Variants in SNRNP70 observed in about 807,000 individuals in gnomAD.
SNRNP70 encodes the protein U1 small nuclear ribonucleoprotein 70 kDa.
In SNRNP70, 8 loss-of-function variants were observed where a neutral mutation model predicts 50.5. The ratio of observed to expected loss-of-function variants is 0.16; its 90% CI spans 0.09 to 0.29. The LOEUF (loss-of-function observed/expected upper bound fraction) is 0.29. SNRNP70 is among the 10% of genes least tolerant of loss of function. The probability of loss-of-function intolerance (pLI) is 1.00; values close to 1 mark genes in which losing one functional copy is unlikely to be tolerated. For missense variants in SNRNP70, 529 were observed against 663.5 expected (o/e 0.80, Z 2.23); for synonymous variants, 320 against 252.9 (o/e 1.27, Z -2.52).
intron 2 of SNRNP70, among the ~76,000 whole-genome samples, chr19:49,088,049 G>A (rs377060954): frequency 3.8e-4 from 57 of 151,928 alleles, no homozygotes; most frequent in African/African-American, 1.2e-3. Context: ...GCACCACCAC[G>A]CCTGGCTAAT....
At chr19:49,088,222 ACT>A (rs2040406256) in intron 2 of SNRNP70, among the ~76,000 whole-genome samples, 1 of 41,420 alleles carries the variant, frequency 2.4e-5, no homozygotes, top group Non-Finnish European at 5.0e-5. Flanking sequence ...TTTTTTTTTG[ACT>A]TGGAGTCTCG....
intron 7 of SNRNP70, 54 bp downstream of exon 7, chr19:49,101,525 C>T (rs1490520795): frequency 1.3e-5 from 17 of 1,284,840 alleles, no homozygotes; most frequent in Non-Finnish European, 1.9e-5. Context: ...TTCTCTGCTG[C>T]CCCAGCCCCT....
intron 8 of SNRNP70, among the ~76,000 whole-genome samples, chr19:49,105,932 T>C (rs530806419): frequency 6.6e-6 from 1 of 152,224 alleles, no homozygotes; most frequent in Non-Finnish European, 1.5e-5. Flanking sequence ...CACATTTGAT[T>C]GACTCAGTGT....
At chr19:49,095,975 CAAAAA>C (rs11356728) in intron 4 of SNRNP70, among the ~76,000 whole-genome samples, 1 of 91,930 alleles carries the variant, frequency 1.1e-5, no homozygotes, top group Non-Finnish European at 2.2e-5. Context: ...TTAGCTGGTG[CAAAAA>C]AAAAAAAAAA....
Position 49,101,381 on chromosome 19 carries a change from G to T in SNRNP70, c.394-9G>T. The T allele has an allele frequency of 6.2e-7, 1 of 1,612,110 alleles. No homozygotes were observed. On this transcript the variant is annotated splice_polypyrimidine_tract_variant and intron_variant, in intron 6 of 9. Transcript: ENST00000598441. The stretch of plus-strand genomic sequence containing the variant: ...GCAGGACTCACCCCTGTCCCCATGT[G>T]CCCCACAGATACACATGGTCTACAG...
intron 4 of SNRNP70, chr19:49,090,781 C>A: frequency 1.8e-6 from 1 of 544,362 alleles, no homozygotes; most frequent in East Asian, 3.1e-5. Flanking sequence ...AGTTAAGGGG[C>A]TCCCACAACC....
At chr19:49,097,466 C>T (rs371637040) in intron 4 of SNRNP70, among the ~76,000 whole-genome samples, 2 of 152,138 alleles carry the variant, frequency 1.3e-5, no homozygotes, top group Admixed American at 1.3e-4. Context: ...TCCTACTGCT[C>T]GGGTCATCAC....
intron 1 of SNRNP70, 117 bp from the exon 2 acceptor site, chr19:49,086,288 C>T (rs1244654500): frequency 1.7e-6 from 2 of 1,182,258 alleles, no homozygotes; most frequent in South Asian, 1.5e-5. Context: ...CCTTACAGAG[C>T]CTGTTTTAAT....
At position 49,108,308 on chromosome 19, in the gene SNRNP70, A is replaced by C. The variant is rs1307970996; in HGVS notation, c.1179A>C (p.Arg393=). 6.9e-6 allele frequency: 11 copies of C among 1,586,094 alleles called. No homozygotes were observed. In the East Asian group the frequency reaches 2.3e-4, roughly 33 times the overall value. The stretch of plus-strand genomic sequence containing the variant: ...GTGAGCGGGGCAGGGATGAGGCCCG[A>C]GGTGGGGGCGGTGGCCAGGACAACG... The part of the protein sequence containing the change: ...RGSERGRDEA[R]GGGGGQDNGL... Residue 393 remains arginine, a synonymous_variant, in exon 10 of 10, where the codon CGA becomes CGC. Transcript: ENST00000598441.
chr19:49,100,241 C>A (rs1041847630), intron 6 of SNRNP70, among the ~76,000 whole-genome samples: 1 of 152,236 alleles, frequency 6.6e-6, no homozygotes, highest in Non-Finnish European at 1.5e-5. Flanking sequence ...TTCTCCCTGA[C>A]ATGGTCCCCA....
At chr19:49,097,468 G>C (rs1266634774) in intron 4 of SNRNP70, among the ~76,000 whole-genome samples, 1 of 152,112 alleles carries the variant, frequency 6.6e-6, no homozygotes, top group Non-Finnish European at 1.5e-5. Flanking sequence ...CTACTGCTCG[G>C]GTCATCACCA....
rs2040432264 is a variant in SNRNP70 at position 49,090,342 on chromosome 19, A to G, written c.199A>G (p.Met67Val). 1.2e-6 allele frequency: 2 copies of G among 1,613,954 alleles called. No homozygotes were observed. The highest frequency in any genetic ancestry group is 1.7e-6 in the Non-Finnish European group (2 of 1,179,972). ...TCGTGCTGAAACCCGAGAGGAGCGCATGGAGAGGAAAGTATGTCATTTTTG... is the reference window on the plus strand; with the variant it reads ...TCGTGCTGAAACCCGAGAGGAGCGCGTGGAGAGGAAAGTATGTCATTTTTG... Reference protein sequence around the residue: ...PTRAETREERMERKRREKIER... With the variant: ...PTRAETREERVERKRREKIER... Residue 67 changes from methionine (M) to valine (V), a missense_variant, in exon 3 of 10, where the codon ATG becomes GTG. Met to Val is a conservative substitution (Grantham distance 21). Around this residue, in one of 4 missense-constraint regions of SNRNP70, gnomAD observed 149 missense variants for 259.7 expected, o/e 0.57. Coordinates refer to ENST00000598441, the MANE Select transcript of SNRNP70 (RefSeq NM_003089.6).
Position 49,088,006 on chromosome 19 carries a change from C to T in SNRNP70, c.147+1445C>T, listed in dbSNP as rs2040403000. Among the ~76,000 whole-genome samples, 4 of 151,338 alleles carry T rather than the reference C, an allele frequency of 2.6e-5. No homozygotes were observed. In the South Asian group the frequency reaches 8.3e-4, roughly 32 times the overall value. On this transcript the variant is annotated intron_variant, in intron 2 of 9. Coordinates refer to ENST00000598441, the MANE Select transcript of SNRNP70 (RefSeq NM_003089.6). ...CCTCCGGTTCAAGCAGTTCTCCTGC[C>T]TCAGCCTCTCAAGTAGCTGGGATTA...
chr19:49,088,348 G>C (rs1468280346), intron 2 of SNRNP70, among the ~76,000 whole-genome samples: 1 of 130,372 alleles, frequency 7.7e-6, no homozygotes. Context: ...GACTACAGGT[G>C]CCCGCCACCA....
intron 4 of SNRNP70, among the ~76,000 whole-genome samples, chr19:49,097,365 C>T (rs553905682): frequency 9.2e-5 from 14 of 151,992 alleles, no homozygotes; most frequent in African/African-American, 3.4e-4. Context: ...TATCAGTGTC[C>T]AGCACTGTGT....
Position 49,092,098 on chromosome 19 carries a change from TTTTG to T in SNRNP70, c.265+1602_265+1605del, listed in dbSNP as rs146031499. On this transcript the variant is annotated intron_variant, in intron 4 of 9. Transcript: ENST00000598441. ...AGTCTTAACTAGTTTACCTATGTCT[TTTTG>T]TTTGTTTGTTTGTTTGTTTGTTTTT... is the stretch of plus-strand genomic sequence containing the variant. Among the ~76,000 whole-genome samples the T allele has an allele frequency of 7.8e-3, 1,189 of 151,852 alleles. 9 individuals are homozygous for T. The highest frequency in any genetic ancestry group is 0.026 in the African/African-American group (1,074 of 41,380).
chr19:49,088,281 C>T (rs1286147338), intron 2 of SNRNP70, among the ~76,000 whole-genome samples: 1 of 143,778 alleles, frequency 7.0e-6, no homozygotes, highest in East Asian at 2.1e-4. Context: ...CGGCTCACTG[C>T]AAGCTCCGCC....
intron 8 of SNRNP70, among the ~76,000 whole-genome samples, chr19:49,106,102 T>G (rs897366568): frequency 6.6e-6 from 1 of 152,198 alleles, no homozygotes; most frequent in African/African-American, 2.4e-5. Context: ...GTCCTGGCTC[T>G]GGACTCGCCT....
rs543658456 is a variant in SNRNP70, at chr19:49,095,642, A to G, written c.266-2785A>G. On this transcript the variant is annotated intron_variant, in intron 4 of 9. Transcript: ENST00000598441. ...CTTCATCGCCTCCCTGGTTCAAGCG[A>G]TTCTCTTGTCTTAGTCTCCTGAGTA... Among the ~76,000 whole-genome samples the G allele has an allele frequency of 1.2e-3, 178 of 150,340 alleles. 1 individual carries two copies. Among genetic ancestry groups the G allele is most frequent in the Middle Eastern group, 3.4e-3 (1 of 292 alleles).
Sources: allele counts gnomAD v4.1 joint callset (sites outside exome capture counted in the v4.1 genomes callset), GRCh38; gene constraint gnomAD v4.1.1; regional missense constraint gnomAD v4.1.1; transcripts MANE v1.5; gene names NCBI Gene and HGNC (gene_info 2026-07-23, HGNC 2026-07-21).